SH3RF2: variants seen among roughly 807,000 people sequenced by gnomAD.
SH3RF2 encodes the protein E3 ubiquitin-protein ligase SH3RF2.
Under a neutral mutation model 59.0 loss-of-function variants are expected in SH3RF2, and 43 were observed. The observed-to-expected ratio is 0.73, with a 90% confidence interval of 0.57 to 0.94. SH3RF2 has a LOEUF of 0.94. Among genes scored for constraint, SH3RF2 ranks in the 40% least tolerant of loss-of-function variants. The pLI is 0.00. For missense variants in SH3RF2, 930 were observed against 940.1 expected, an observed-to-expected ratio of 0.99 and a Z score of 0.14; for synonymous variants, 391 against 391.5, an observed-to-expected ratio of 1.00 and a Z score of 0.01.
intron 2 of SH3RF2, among the ~76,000 whole-genome samples, chr5:145,962,150 CAAA>C (rs1758653202): frequency 6.6e-6 from 1 of 152,064 alleles, no homozygotes; most frequent in Admixed American, 6.6e-5. Flanking sequence ...ATTGCTGTAC[CAAA>C]GGTATAAGGA....
chr5:145,992,236 G>A (rs531662639), intron 2 of SH3RF2, among the ~76,000 whole-genome samples: 11 of 152,082 alleles, frequency 7.2e-5, no homozygotes, highest in South Asian at 2.1e-4. Context: ...TTAGCCAGGC[G>A]TGGTGGTGCA....
downstream of SH3RF2, among the ~76,000 whole-genome samples, chr5:146,064,654 GAGAGAGAA>G (rs1398194307): frequency 8.3e-3 from 115 of 13,802 alleles, 3 homozygotes; most frequent in Non-Finnish European, 0.052. Flanking sequence ...AAGAAAGAGA[GAGAGAGAA>G]AGAGAAAGAA....
chr5:146,034,348 C>T (rs1485968968), intron 5 of SH3RF2, among the ~76,000 whole-genome samples: 1 of 152,116 alleles, frequency 6.6e-6, no homozygotes, highest in Non-Finnish European at 1.5e-5. Flanking sequence ...CCTCTCCAGG[C>T]ACCACAGGCT....
chr5:145,959,863 C>T (rs985069574), intron 2 of SH3RF2, among the ~76,000 whole-genome samples: 1 of 152,052 alleles, frequency 6.6e-6, no homozygotes, highest in Admixed American at 6.6e-5. Flanking sequence ...TTAGCCTCCA[C>T]CAGCATCACA....
intron 9 of SH3RF2, 75 bp downstream of exon 9, chr5:146,060,299 T>C: frequency 1.4e-6 from 2 of 1,402,086 alleles, no homozygotes; most frequent in Non-Finnish European, 1.9e-6. Flanking sequence ...TCAGAGATTT[T>C]AGTGTTGGTG....
chr5:145,954,366 G>A (rs1236638257), intron 2 of SH3RF2, among the ~76,000 whole-genome samples: 1 of 152,178 alleles, frequency 6.6e-6, no homozygotes, highest in East Asian at 1.9e-4. Context: ...TTTGAAAAGT[G>A]TCTGTTCATG....
At position 146,041,289 on chromosome 5, in the gene SH3RF2, G is replaced by A. The variant is rs142196032; in HGVS notation, c.1060-6483G>A. Among the ~76,000 whole-genome samples, 434 of 152,170 alleles carry A rather than the reference G, an allele frequency of 2.9e-3. 5 individuals carry two copies. The East Asian group carries it at 0.032, about 11-fold the overall frequency. On this transcript the variant is annotated intron_variant, in intron 5 of 9. Transcript: ENST00000359120. ...AGCCTCTTGTGCTAGCTCCCAGAGC[G>A]TCCTGATCTTCCCCGACCCCAACAC... is the stretch of plus-strand genomic sequence containing the variant.
chr5:146,075,361 T>C (rs896388848), intron 9 of SH3RF2, among the ~76,000 whole-genome samples: 1 of 152,122 alleles, frequency 6.6e-6, no homozygotes, highest in Admixed American at 6.5e-5. Flanking sequence ...ATAAAATAAA[T>C]ACTATTACTA....
At chr5:146,002,272 G>A (rs887556660) in intron 3 of SH3RF2, among the ~76,000 whole-genome samples, 4 of 152,034 alleles carry the variant, frequency 2.6e-5, no homozygotes, top group Admixed American at 6.6e-5. Context: ...CCAACATAGC[G>A]AAACCCCGAC....
chr5:145,937,759 T>C (rs772423184), intron 1 of SH3RF2, 64 bp from the exon 2 acceptor site: 1 of 731,522 alleles, frequency 1.4e-6, no homozygotes, highest in Non-Finnish European at 2.3e-6. Context: ...TGCCTCAATG[T>C]AGGTGGGATA....
intron 2 of SH3RF2, among the ~76,000 whole-genome samples, chr5:145,982,303 T>C (rs1401587386): frequency 1.3e-5 from 2 of 152,352 alleles, no homozygotes; most frequent in South Asian, 2.1e-4. Flanking sequence ...CAGGTGCTCC[T>C]GGAGGCTTCT....
chr5:146,059,791 C>T lies in SH3RF2; in HGVS notation c.1556-75C>T, dbSNP rs1174148044. 17 of 1,033,680 alleles carry T rather than the reference C, an allele frequency of 1.6e-5. No homozygotes were observed. The East Asian group carries it at 4.8e-4, about 29-fold the overall frequency. 64.0% of individuals were successfully genotyped at this position (1,033,680 alleles called of 1,614,324 possible). ...TTGTCTATTCTGGGATATCAGGAAG[C>T]ACTGCTTACCCAGCCCCACCCAACC... On this transcript the variant is annotated intron_variant, in intron 8 of 9. Coordinates refer to ENST00000359120, the MANE Select transcript of SH3RF2 (RefSeq NM_152550.4).
exon 10 of SH3RF2, chr5:146,080,385 C>T (rs1267181696): frequency 2.0e-5 from 3 of 151,830 alleles, no homozygotes; most frequent in Non-Finnish European, 4.4e-5. Context: ...TTTTTAAGTA[C>T]AGTGTTTTTA....
chr5:145,940,442 T>C (rs987926225), intron 2 of SH3RF2, among the ~76,000 whole-genome samples: 1 of 152,144 alleles, frequency 6.6e-6, no homozygotes, highest in African/African-American at 2.4e-5. Context: ...TTTGCAACCA[T>C]GAAAGCAACC....
At chr5:145,989,629 G>C (rs1759858116) in intron 2 of SH3RF2, among the ~76,000 whole-genome samples, 1 of 152,216 alleles carries the variant, frequency 6.6e-6, no homozygotes, top group African/African-American at 2.4e-5. Context: ...CTCATGACCA[G>C]CTCAGGGAAG....
intron 3 of SH3RF2, among the ~76,000 whole-genome samples, chr5:146,001,963 T>C (rs1337330405): frequency 2.0e-5 from 3 of 152,258 alleles, no homozygotes; most frequent in Non-Finnish European, 4.4e-5. Context: ...TTCCTAGTGC[T>C]TTCTAGCTCA....
chr5:146,027,138 T>C (rs1381645024), intron 5 of SH3RF2, among the ~76,000 whole-genome samples: 1 of 152,216 alleles, frequency 6.6e-6, no homozygotes, highest in Non-Finnish European at 1.5e-5. Context: ...GCTTTCTTGA[T>C]AAGCAGTGAC....
At chr5:145,987,952 T>C (rs541178739) in intron 2 of SH3RF2, among the ~76,000 whole-genome samples, 1 of 152,326 alleles carries the variant, frequency 6.6e-6, no homozygotes, top group East Asian at 1.9e-4. Context: ...CAAGATCACC[T>C]TCACTTTCAG....
chr5:146,053,682 A>G (rs1762575281), intron 7 of SH3RF2, among the ~76,000 whole-genome samples: 1 of 151,550 alleles, frequency 6.6e-6, no homozygotes, highest in South Asian at 2.1e-4. Context: ...CAAGTCCTCT[A>G]CTCTTCTTCC....
Sources: gnomAD v4.1 joint callset for allele counts (sites outside exome capture counted in the v4.1 genomes callset) on GRCh38, gnomAD v4.1.1 for gene constraint, MANE v1.5 for transcripts, NCBI Gene and HGNC (gene_info 2026-07-23, HGNC 2026-07-21) for gene names.